The following FBXO27 variants were observed in gnomAD, a reference collection of about 807,000 sequenced individuals.
The protein encoded by FBXO27 is F-box protein 27.
A neutral mutation model predicts 28.3 loss-of-function variants in FBXO27; 28 were observed. That is an observed-to-expected ratio of 0.99 (90% CI 0.73 to 1.36). The LOEUF is 1.36. FBXO27 is among the 40% of genes most tolerant of loss of function. The pLI, the probability that FBXO27 is intolerant of heterozygous loss-of-function variation, is 0.00. For synonymous variants in FBXO27, 175 were observed against 167.3 expected (o/e 1.05, Z -0.36); for missense variants, 388 against 394.1 (o/e 0.98, Z 0.13).
downstream of FBXO27, among the ~76,000 whole-genome samples, chr19:39,020,932 G>A (rs1180602672): frequency 6.6e-6 from 1 of 151,786 alleles, no homozygotes; most frequent in Non-Finnish European, 1.5e-5. Flanking sequence ...TCAGCTCACT[G>A]CAACCTCCGC....
Position 39,032,360 on chromosome 19 carries a change from G to T in FBXO27, c.-26-107C>A. 7.8e-7 allele frequency: 1 copy of T among 1,277,158 alleles called. No homozygotes were observed. Among genetic ancestry groups the T allele is most frequent in the South Asian group, 1.8e-5 (1 of 55,506 alleles). The allele number at this position is 1,277,158 out of a possible 1,614,324, so 79.1% of individuals were successfully genotyped here. On this transcript the variant is annotated intron_variant, in intron 1 of 5. Coordinates refer to ENST00000292853, the MANE Select transcript of FBXO27 (RefSeq NM_178820.5). The surrounding 1 kb of genome is among the most constrained non-coding windows in gnomAD (Gnocchi z 4.7). ...CGCACCCCCGTCTTCACCATCCCTG[G>T]GCCCCGTCCCCAAGTCCCCATCCCC...
chr19:39,032,208 C>G lies in FBXO27; in HGVS notation c.20G>C (p.Arg7Thr), dbSNP rs1361536016. Residue 7 changes from arginine to threonine, a missense_variant, in exon 2 of 6, where the codon AGG becomes ACG. Coordinates refer to ENST00000292853, the MANE Select transcript of FBXO27 (RefSeq NM_178820.5). This position sits in a 1 kb window ranked among gnomAD's most constrained non-coding sequence, Gnocchi z 4.7. Reference sequence around the variant, plus strand: ...CGCGGGGACCCGGGCGGCCCGGCCCCTGGAGACCGAGGCGCCCATGGTCCC... The same window carrying G: ...CGCGGGGACCCGGGCGGCCCGGCCCGTGGAGACCGAGGCGCCCATGGTCCC... MGASVS[R>T]GRAARVPAPE... 3 of 1,461,024 alleles carry G rather than the reference C, an allele frequency of 2.1e-6. No individual in the cohort carries two copies. The highest frequency in any genetic ancestry group is 2.7e-6 in the Non-Finnish European group (3 of 1,112,846). 90.5% of individuals were successfully genotyped at this position (1,461,024 alleles called of 1,614,324 possible).
At chr19:39,019,439 A>C, downstream of FBXO27, among the ~76,000 whole-genome samples, 1 of 13,300 alleles carries the variant, frequency 7.5e-5, no homozygotes, top group Non-Finnish European at 1.9e-4. Context: ...AAAAAAAAAA[A>C]AAAAAAAAAA....
intron 1 of FBXO27, among the ~76,000 whole-genome samples, chr19:39,015,965 G>A (rs181339094): frequency 9.2e-5 from 14 of 152,218 alleles, no homozygotes; most frequent in African/African-American, 3.1e-4. Flanking sequence ...CCAGCTACTC[G>A]GGAGGCTGAG....
Position 39,025,400 on chromosome 19 carries a change from G to A in FBXO27, c.*11C>T, listed in dbSNP as rs1244350551. Reference sequence around the variant, plus strand: ...ACAGTCAGGCTGTCTTGCAAGAAGGGTAGTGCTGGACTAGGACAGACGGAC... The same window carrying A: ...ACAGTCAGGCTGTCTTGCAAGAAGGATAGTGCTGGACTAGGACAGACGGAC... On this transcript the variant is annotated 3_prime_UTR_variant, in exon 6 of 6. Transcript: ENST00000292853. 1.9e-6 allele frequency: 3 copies of A among 1,609,942 alleles called. No individual in the cohort carries two copies. Among genetic ancestry groups the A allele is most frequent in the Admixed American group, 1.7e-5 (1 of 59,664 alleles).
chr19:39,015,409 T>C (rs1189141627), intron 1 of FBXO27, among the ~76,000 whole-genome samples: 1 of 149,596 alleles, frequency 6.7e-6, no homozygotes, highest in Non-Finnish European at 1.5e-5. Flanking sequence ...GGCGGGCGGA[T>C]TGCTTGAGCC....
intron 1 of FBXO27, among the ~76,000 whole-genome samples, chr19:39,014,927 A>G (rs184123740): frequency 7.8e-4 from 119 of 151,814 alleles, no homozygotes; most frequent in African/African-American, 2.6e-3. Context: ...CTGAGGCAAG[A>G]GAATCACTTG....
intron 4 of FBXO27, among the ~76,000 whole-genome samples, chr19:39,027,628 C>T (rs550319671): frequency 3.9e-5 from 6 of 152,062 alleles, no homozygotes; most frequent in African/African-American, 7.2e-5. Context: ...TCTGTGAGTT[C>T]GTCCAGTGAA....
chr19:39,027,007 T>C lies in FBXO27; in HGVS notation c.573-2A>G, dbSNP rs1244587471. 1.2e-6 allele frequency: 2 copies of C among 1,613,956 alleles called. No individual in the cohort carries two copies. The highest frequency in any genetic ancestry group is 1.7e-6 in the Non-Finnish European group (2 of 1,179,990). On this transcript the variant is annotated splice_acceptor_variant, in intron 4 of 5. Coordinates refer to ENST00000292853, the MANE Select transcript of FBXO27 (RefSeq NM_178820.5). LOFTEE classifies it high-confidence loss of function. ...CCGCTGTCGTGTCGGGCTCCCCACC[T>C]GTGGGAGGAAGGAGCCATGAAGGCT...
intron 2 of FBXO27, among the ~76,000 whole-genome samples, chr19:39,010,255 C>T (rs2072788653): frequency 6.6e-6 from 1 of 151,896 alleles, no homozygotes; most frequent in South Asian, 2.1e-4. Context: ...ATAGTCTTAG[C>T]TCTTAGTGTT....
intron 4 of FBXO27, 26 bp downstream of exon 4, chr19:39,031,003 G>C (rs987883736): frequency 6.3e-7 from 1 of 1,591,710 alleles, no homozygotes; most frequent in Non-Finnish European, 8.6e-7. Context: ...TGCTTAGCAA[G>C]GGGCTATTTT....
downstream of FBXO27, among the ~76,000 whole-genome samples, chr19:39,022,956 C>A (rs577648230): frequency 6.6e-6 from 1 of 152,138 alleles, no homozygotes; most frequent in African/African-American, 2.4e-5. Context: ...CACCACCATG[C>A]CTGGCTAATT....
intron 2 of FBXO27, 120 bp downstream of exon 2, chr19:39,031,744 C>T: frequency 9.2e-7 from 1 of 1,087,900 alleles, no homozygotes; most frequent in Non-Finnish European, 1.1e-6. Context: ...TCCCACCGGT[C>T]CCACTGCGGC....
In FBXO27 at chr19:39,027,090, T is replaced by C. The variant is rs1367643328; in HGVS notation, c.573-85A>G. 4 of 1,544,724 alleles carry C rather than the reference T, an allele frequency of 2.6e-6. No individual in the cohort carries two copies. In the East Asian group the frequency reaches 6.7e-5, roughly 26 times the overall value. On this transcript the variant is annotated intron_variant, in intron 4 of 5. Transcript: ENST00000292853. ...CTACCTTGTCCGAATGCCCTTCCCA[T>C]GTGTGCAAATCCAGTTCCTCTAAAG...
chr19:39,029,426 CAAA>C (rs35521168), intron 4 of FBXO27, among the ~76,000 whole-genome samples: 3 of 101,742 alleles, frequency 2.9e-5, no homozygotes, highest in Admixed American at 1.1e-4. Context: ...GACTCTGTCT[CAAA>C]AAAAAAAAAA....
chr19:39,026,783 G>A (rs879835758), intron 5 of FBXO27, 87 bp downstream of exon 5: 3 of 1,579,054 alleles, frequency 1.9e-6, no homozygotes, highest in Non-Finnish European at 2.6e-6. Context: ...GACTGTCACT[G>A]ATTTTAAGCC....
chr19:39,028,749 G>C (rs2072886562), intron 4 of FBXO27, among the ~76,000 whole-genome samples: 1 of 152,122 alleles, frequency 6.6e-6, no homozygotes, highest in Non-Finnish European at 1.5e-5. Context: ...TGCAATCCGA[G>C]CTACTGGGGA....
chr19:39,019,121 A>G (rs1378786153), downstream of FBXO27, among the ~76,000 whole-genome samples: 1 of 147,680 alleles, frequency 6.8e-6, no homozygotes, highest in African/African-American at 2.5e-5. Context: ...TGGGTGCAGA[A>G]TTGCTATAAG....
chr19:39,029,140 T>C (rs1167251623), intron 4 of FBXO27, among the ~76,000 whole-genome samples: 1 of 151,496 alleles, frequency 6.6e-6, no homozygotes. Context: ...AGAGTGAATT[T>C]GCTGGCCAGG....
Sources: gnomAD v4.1 joint callset for allele counts (sites outside exome capture counted in the v4.1 genomes callset) on GRCh38, gnomAD v4.1.1 for gene constraint, Gnocchi (gnomAD v3.1) non-coding constraint, MANE v1.5 for transcripts, NCBI Gene and HGNC (gene_info 2026-07-23, HGNC 2026-07-21) for gene names.